Variants in HELZ observed in about 807,000 individuals in gnomAD.
HELZ encodes helicase with zinc finger, also known as ATP-dependent RNA helicase with zinc finger domain.
A neutral mutation model predicts 218.2 loss-of-function variants in HELZ; 23 were observed. That is an observed-to-expected ratio of 0.11 (90% CI 0.08 to 0.15). The LOEUF (loss-of-function observed/expected upper bound fraction) is 0.15. HELZ is among the 10% of genes least tolerant of loss of function. The pLI is 1.00. For missense variants in HELZ, 1,813 were observed against 2,353.7 expected (o/e 0.77, Z 4.75); for synonymous variants, 814 against 829.4 (o/e 0.98, Z 0.32).
At chr17:67,203,532 G>A in intron 5 of HELZ, 89 bp from the exon 6 acceptor site, 1 of 1,468,732 alleles carries the variant, frequency 6.8e-7, no homozygotes, top group Non-Finnish European at 9.3e-7. Flanking sequence ...CACAAGCGTG[G>A]CTTTTTATAT....
intron 6 of HELZ, among the ~76,000 whole-genome samples, chr17:67,202,173 G>A (rs745936516): frequency 4.6e-5 from 7 of 151,600 alleles, no homozygotes; most frequent in Non-Finnish European, 8.8e-5. Flanking sequence ...TGCTTTCACT[G>A]TGTTTCATTA....
chr17:67,145,737 A>G lies in HELZ; in HGVS notation c.2769+6T>C. Reference sequence around the variant, plus strand: ...TGTTAACAATTTACAAAAAGAATTAAGGTACCTCTGCATTATTATAAAAAG... The same window carrying G: ...TGTTAACAATTTACAAAAAGAATTAGGGTACCTCTGCATTATTATAAAAAG... On this transcript the variant is annotated splice_donor_region_variant and intron_variant, in intron 21 of 32. Transcript: ENST00000358691. 6.3e-7 allele frequency: 1 copy of G among 1,592,578 alleles called. No homozygotes were observed. The highest frequency in any genetic ancestry group is 8.6e-7 in the Non-Finnish European group (1 of 1,165,536).
upstream of HELZ, chr17:67,245,798 C>T (rs1598502940): frequency 6.6e-6 from 1 of 152,146 alleles, no homozygotes; most frequent in African/African-American, 2.4e-5. Context: ...AAAATTGAGC[C>T]AAATGCAACT....
Position 67,108,074 on chromosome 17 carries a change from G to A in HELZ, c.4725-389C>T, listed in dbSNP as rs1156283680. Among the ~76,000 whole-genome samples the A allele has an allele frequency of 1.3e-5, 2 of 152,022 alleles. No individual in the cohort carries two copies. The highest frequency in any genetic ancestry group is 4.8e-5 in the African/African-American group (2 of 41,388). Reference sequence around the variant, plus strand: ...TAGGACCAAATACTCATATGTAGCTGGAATTATAGGAATGTAGAATTCTGT... The same window carrying A: ...TAGGACCAAATACTCATATGTAGCTAGAATTATAGGAATGTAGAATTCTGT... On this transcript the variant is annotated intron_variant, in intron 30 of 32. Coordinates refer to ENST00000358691, the MANE Select transcript of HELZ (RefSeq NM_014877.4). The surrounding 1 kb of genome is among the most constrained non-coding windows in gnomAD (Gnocchi z 4.1).
At chr17:67,165,181 G>A (rs1375204902) in intron 15 of HELZ, among the ~76,000 whole-genome samples, 1 of 152,216 alleles carries the variant, frequency 6.6e-6, no homozygotes, top group Non-Finnish European at 1.5e-5. Flanking sequence ...GAAACACGCA[G>A]ACTATTCCCT....
chr17:67,245,656 A>G (rs1598502685), upstream of HELZ: 3 of 341,016 alleles, frequency 8.8e-6, no homozygotes, highest in East Asian at 5.1e-4. Flanking sequence ...GAGGCCGCGC[A>G]GACCAGCTCC....
chr17:67,228,088 G>A (rs2040940786), intron 3 of HELZ, among the ~76,000 whole-genome samples: 1 of 152,114 alleles, frequency 6.6e-6, no homozygotes, highest in Non-Finnish European at 1.5e-5. Flanking sequence ...CAATGAATCA[G>A]ACTGCATTTC....
intron 4 of HELZ, among the ~76,000 whole-genome samples, chr17:67,216,389 ACTCCAGCAAGC>A (rs2040601512): frequency 6.6e-6 from 1 of 152,062 alleles, no homozygotes; most frequent in Non-Finnish European, 1.5e-5. Context: ...CAGGTATGGC[ACTCCAGCAAGC>A]CTCCTCGACT....
At chr17:67,245,776 G>A (rs1252823431), upstream of HELZ, 1 of 151,850 alleles carries the variant, frequency 6.6e-6, no homozygotes, top group African/African-American at 2.4e-5. Flanking sequence ...GTCGAAGCAC[G>A]ATTTAAAAAA....
In HELZ at chr17:67,157,848, C is replaced by T. The variant is rs1598340200; in HGVS notation, c.2177+2413G>A. On this transcript the variant is annotated intron_variant, in intron 17 of 32. Coordinates refer to ENST00000358691, the MANE Select transcript of HELZ (RefSeq NM_014877.4). Reference sequence around the variant, plus strand: ...TCAATATAAAACAACAATTACCTTCCATTTTCCCAGAAAGCAGGAAATACA... The same window carrying T: ...TCAATATAAAACAACAATTACCTTCTATTTTCCCAGAAAGCAGGAAATACA... Among the ~76,000 whole-genome samples the T allele has an allele frequency of 3.9e-5, 6 of 152,240 alleles. 1 individual carries two copies. The South Asian group carries it at 1.2e-3, about 32-fold the overall frequency.
intron 13 of HELZ, among the ~76,000 whole-genome samples, chr17:67,176,935 C>G (rs1334965395): frequency 6.6e-6 from 1 of 151,864 alleles, no homozygotes; most frequent in East Asian, 1.9e-4. Flanking sequence ...GCTTTGAAAG[C>G]CTTCGCAAGG....
chr17:67,202,617 G>A (rs1007284598), intron 6 of HELZ, among the ~76,000 whole-genome samples: 1 of 152,100 alleles, frequency 6.6e-6, no homozygotes, highest in Non-Finnish European at 1.5e-5. Context: ...AGAAACAGAA[G>A]CACTTATTAG....
chr17:67,117,600 A>T (rs968071483), intron 27 of HELZ, among the ~76,000 whole-genome samples: 2 of 149,696 alleles, frequency 1.3e-5, no homozygotes, highest in African/African-American at 2.5e-5. Flanking sequence ...CCCAGGCTGG[A>T]GTGCAGTGGT....
At chr17:67,225,418 G>A (rs2040863691) in intron 3 of HELZ, 1 of 160,138 alleles carries the variant, frequency 6.2e-6, no homozygotes. Context: ...AGCAACTAAG[G>A]TTCTAATGCT....
At chr17:67,139,525 CAGACTT>C (rs1260453798) in intron 21 of HELZ, among the ~76,000 whole-genome samples, 1 of 152,166 alleles carries the variant, frequency 6.6e-6, no homozygotes, top group Non-Finnish European at 1.5e-5. Context: ...AGTCAAAAAA[CAGACTT>C]AGAATGATGA....
rs556468329 is a variant in HELZ, at chr17:67,107,261, T to C, written c.5149A>G (p.Ile1717Val). Reference protein sequence around the residue: ...HRPPQNPFVQIQNHQHAIGQE... With the variant: ...HRPPQNPFVQVQNHQHAIGQE... ...CCAATAGCATGTTGATGATTCTGTA[T>C]TTGTACAAAAGGGTTCTGCGGTGGC... is the stretch of plus-strand genomic sequence containing the variant. The change falls in exon 31 of 33, where the codon ATA becomes GTA. Residue 1717 changes from isoleucine to valine, a missense_variant. By Grantham distance (29) the Ile-to-Val change is conservative (BLOSUM62 3). Around this residue, in one of 4 missense-constraint regions of HELZ, gnomAD observed 938 missense variants for 1,027.5 expected, o/e 0.91. Coordinates refer to ENST00000358691, the MANE Select transcript of HELZ (RefSeq NM_014877.4). 92 of 1,614,152 alleles carry C rather than the reference T, an allele frequency of 5.7e-5. No homozygotes were observed. The African/African-American group carries it at 7.7e-4, about 14-fold the overall frequency.
chr17:67,206,138 T>C (rs2040290306), intron 5 of HELZ, among the ~76,000 whole-genome samples: 1 of 152,218 alleles, frequency 6.6e-6, no homozygotes. Flanking sequence ...ATGACATTAA[T>C]AATACAATCT....
chr17:67,122,196 A>G (rs2037630137), intron 26 of HELZ, among the ~76,000 whole-genome samples: 1 of 152,122 alleles, frequency 6.6e-6, no homozygotes, highest in South Asian at 2.1e-4. Context: ...TGAGGTCAGG[A>G]GTTTGAGACC....
rs1235954947 is a variant in HELZ at position 67,073,752 on chromosome 17, AAAGT to A, written c.*4496_*4499del. The A allele has an allele frequency of 6.6e-6, 1 of 152,216 alleles. No individual in the cohort carries two copies. Among genetic ancestry groups the A allele is most frequent in the African/African-American group, 2.4e-5 (1 of 41,454 alleles). 9.4% of individuals were successfully genotyped at this position (152,216 alleles called of 1,614,324 possible). On this transcript the variant is annotated 3_prime_UTR_variant, in exon 33 of 33. Coordinates refer to ENST00000358691, the MANE Select transcript of HELZ (RefSeq NM_014877.4). ...TCTCTTGAATCTCATATTCTAGTTT[AAAGT>A]AATAACAGGATGTGTTTAGTAAGAT... is the stretch of plus-strand genomic sequence containing the variant.
Sources: allele counts gnomAD v4.1 joint callset (sites outside exome capture counted in the v4.1 genomes callset), GRCh38; gene constraint gnomAD v4.1.1; regional missense constraint gnomAD v4.1.1; non-coding constraint Gnocchi (gnomAD v3.1); transcripts MANE v1.5; gene names NCBI Gene and HGNC (gene_info 2026-07-23, HGNC 2026-07-21).